The following ANKRD26 variants were observed in gnomAD, a reference collection of about 807,000 sequenced individuals.
ANKRD26 encodes ankyrin repeat domain 26, also known as ankyrin repeat domain-containing protein 26.
In ANKRD26, 141 loss-of-function variants were observed where a neutral mutation model predicts 208.7. The observed-to-expected ratio is 0.68, with a 90% CI of 0.59 to 0.78. The LOEUF is 0.78. Ranked by LOEUF, ANKRD26 falls within the 30% of genes least tolerant of loss-of-function variation. The probability of loss-of-function intolerance (pLI) is 0.00; values close to 1 mark genes in which losing one functional copy is unlikely to be tolerated. For synonymous variants in ANKRD26, 636 were observed against 660.4 expected, an observed-to-expected ratio of 0.96 and a Z score of 0.57; for missense variants, 1,889 against 1,938.7, an observed-to-expected ratio of 0.97 and a Z score of 0.48.
intron 15 of ANKRD26, among the ~76,000 whole-genome samples, chr10:27,055,851 A>C (rs199973180): frequency 1.6e-5 from 2 of 127,768 alleles, no homozygotes; most frequent in South Asian, 4.9e-4. Flanking sequence ...TTTTTGTTAC[A>C]TTACATGTAG....
At chr10:27,001,353 T>C (rs943704762), downstream of ANKRD26, among the ~76,000 whole-genome samples, 1 of 152,082 alleles carries the variant, frequency 6.6e-6, no homozygotes, top group African/African-American at 2.4e-5. Context: ...AAATCAAGGA[T>C]GCGGACACAC....
chr10:26,978,704 C>T (rs1472468483), intron 5 of ANKRD26, among the ~76,000 whole-genome samples: 1 of 152,108 alleles, frequency 6.6e-6, no homozygotes, highest in East Asian at 1.9e-4. Context: ...ATGCTCTGGC[C>T]CCCTGGGCAT....
intron 12 of ANKRD26, among the ~76,000 whole-genome samples, chr10:27,062,564 G>A (rs1443368992): frequency 6.6e-6 from 1 of 152,174 alleles, no homozygotes; most frequent in African/African-American, 2.4e-5. Flanking sequence ...TTTTATGTTA[G>A]ATTGCCCTCT....
At chr10:26,948,502 C>T in the ANKRD26 span, among the ~76,000 whole-genome samples, 2 of 152,156 alleles carry the variant, frequency 1.3e-5, no homozygotes, top group African/African-American at 4.8e-5. Context: ...TATTTTTGAT[C>T]ATCCACATTT....
chr10:26,966,202 A>G, the ANKRD26 span, among the ~76,000 whole-genome samples: 3 of 152,178 alleles, frequency 2.0e-5, no homozygotes, highest in Non-Finnish European at 2.9e-5. Context: ...CTGCAGCACT[A>G]TTTACAATAG....
chr10:27,065,290 T>A (rs893253002), intron 11 of ANKRD26, among the ~76,000 whole-genome samples: 1 of 152,232 alleles, frequency 6.6e-6, no homozygotes, highest in African/African-American at 2.4e-5. Context: ...TAGTAGAGCA[T>A]AAGCCCCCAC....
Position 27,093,509 on chromosome 10 carries a change from T to C in ANKRD26, c.371A>G (p.Gln124Arg), listed in dbSNP as rs200100926. The change falls in exon 3 of 34, where the codon CAG becomes CGG. Residue 124 changes from glutamine to arginine, a missense_variant. Gln to Arg is a conservative substitution (Grantham distance 43). Coordinates refer to ENST00000376087, the MANE Select transcript of ANKRD26 (RefSeq NM_014915.3). ...RTALMKAVQC[Q>R]EEKCATILLE... ...CAGAATAGTTGCACATTTCTCTTCC[T>C]GGCATTGTACAGCCTGGGAGTATTA... 63 of 1,614,064 alleles carry C rather than the reference T, an allele frequency of 3.9e-5. 1 individual carries two copies. In the Middle Eastern group the frequency reaches 1.2e-3, roughly 29 times the overall value.
At chr10:27,066,155 C>G (rs2055237811) in intron 11 of ANKRD26, 1 of 165,560 alleles carries the variant, frequency 6.0e-6, no homozygotes, top group Admixed American at 6.4e-5. Context: ...GCCACCTTGC[C>G]TGGCCGACCT....
chr10:27,061,087 C>T (rs2055036511), intron 13 of ANKRD26, 57 bp downstream of exon 13: 2 of 1,248,998 alleles, frequency 1.6e-6, no homozygotes, highest in African/African-American at 1.5e-5. Context: ...AATTGATCAG[C>T]TTGGATATAC....
intron 5 of ANKRD26, among the ~76,000 whole-genome samples, chr10:26,992,947 A>G (rs2052516309): frequency 6.6e-6 from 1 of 152,160 alleles, no homozygotes; most frequent in African/African-American, 2.4e-5. Context: ...ATCTAAGGCC[A>G]TATGGTTTTG....
At chr10:27,000,864 C>A (rs2052706845), downstream of ANKRD26, among the ~76,000 whole-genome samples, 2 of 152,162 alleles carry the variant, frequency 1.3e-5, no homozygotes, top group Non-Finnish European at 1.5e-5. Context: ...TCAAAATTAG[C>A]CAGGCATGGT....
intron 4 of ANKRD26, among the ~76,000 whole-genome samples, chr10:27,088,959 A>T (rs1339629608): frequency 3.3e-5 from 5 of 152,222 alleles, no homozygotes; most frequent in Non-Finnish European, 5.9e-5. Context: ...GTGTGTGGCT[A>T]AAGCTTCCAG....
downstream of ANKRD26, among the ~76,000 whole-genome samples, chr10:26,989,759 G>A (rs1287193206): frequency 6.6e-6 from 1 of 152,154 alleles, no homozygotes; most frequent in East Asian, 1.9e-4. Context: ...GGGTCTTGGA[G>A]GTTAGACCTC....
chr10:26,980,895 G>C (rs1022801310), intron 4 of ANKRD26, among the ~76,000 whole-genome samples: 1 of 152,030 alleles, frequency 6.6e-6, no homozygotes, highest in Non-Finnish European at 1.5e-5. Context: ...ATTTCTTTAA[G>C]AGAGATAAAG....
At chr10:27,054,192 G>A (rs1020344754) in intron 15 of ANKRD26, among the ~76,000 whole-genome samples, 1 of 152,086 alleles carries the variant, frequency 6.6e-6, no homozygotes, top group Non-Finnish European at 1.5e-5. Context: ...GACGGTAGGG[G>A]ACAATCTTTC....
the ANKRD26 span, among the ~76,000 whole-genome samples, chr10:26,954,086 C>T: frequency 6.6e-6 from 1 of 152,168 alleles, no homozygotes; most frequent in Non-Finnish European, 1.5e-5. Context: ...TTAAAATCTG[C>T]CACTTTTTGA....
chr10:27,009,306 T>C (rs2053008870), intron 32 of ANKRD26, among the ~76,000 whole-genome samples: 1 of 152,232 alleles, frequency 6.6e-6, no homozygotes, highest in Admixed American at 6.5e-5. Flanking sequence ...GTCTTCTGTG[T>C]TGACAAGTCT....
chr10:27,028,298 A>T (rs1172886071), intron 27 of ANKRD26, among the ~76,000 whole-genome samples: 2 of 152,146 alleles, frequency 1.3e-5, no homozygotes, highest in African/African-American at 2.4e-5. Context: ...AATTATTTTT[A>T]AAATATTCAT....
At chr10:27,028,583 C>T (rs1413441609) in intron 27 of ANKRD26, among the ~76,000 whole-genome samples, 3 of 50,516 alleles carry the variant, frequency 5.9e-5, no homozygotes, top group Admixed American at 2.5e-4. Context: ...GAGACTCCAT[C>T]TCAAAAAAAA....
Sources: gnomAD v4.1 joint callset for allele counts (sites outside exome capture counted in the v4.1 genomes callset) on GRCh38, gnomAD v4.1.1 for gene constraint, MANE v1.5 for transcripts, NCBI Gene and HGNC (gene_info 2026-07-23, HGNC 2026-07-21) for gene names.